Variants in RUNX1 observed in about 807,000 individuals in gnomAD.
The protein encoded by RUNX1 is RUNX family transcription factor 1, also known as runt-related transcription factor 1.
Under a neutral mutation model 42.8 loss-of-function variants are expected in RUNX1, and 19 were observed. The observed-to-expected ratio is 0.44, with a 90% CI of 0.31 to 0.65. The LOEUF is 0.65. Ranked by LOEUF, RUNX1 falls within the 30% of genes least tolerant of loss-of-function variation. The pLI is 0.07. For synonymous variants in RUNX1, 271 were observed against 289.4 expected (o/e 0.94, Z 0.64); for missense variants, 528 against 672.0 (o/e 0.79, Z 2.37).
At chr21:34,928,436 GTAATACAAGCACTTT>G (rs1312140188) in intron 2 of RUNX1, among the ~76,000 whole-genome samples, 1 of 152,160 alleles carries the variant, frequency 6.6e-6, no homozygotes, top group Non-Finnish European at 1.5e-5. Context: ...GCTCACACCT[GTAATACAAGCACTTT>G]GGGAGGCCGA....
rs1331864311 is a variant in RUNX1 at position 34,788,961 on chromosome 21, A to G, written c.*3174T>C. Reference sequence around the variant, plus strand: ...AATCTGCAATCCTAAATTGCAGGACATTTGAGTGGAACCATTCATTTCCTT... The same window carrying G: ...AATCTGCAATCCTAAATTGCAGGACGTTTGAGTGGAACCATTCATTTCCTT... On this transcript the variant is annotated 3_prime_UTR_variant, in exon 9 of 9. Coordinates refer to ENST00000675419, the MANE Select transcript of RUNX1 (RefSeq NM_001754.5). 1 of 233,222 alleles carries G rather than the reference A, an allele frequency of 4.3e-6. No individual in the cohort carries two copies. The highest frequency in any genetic ancestry group is 8.5e-6 in the Non-Finnish European group (1 of 118,068). 14.4% of individuals were successfully genotyped at this position (233,222 alleles called of 1,614,324 possible).
At chr21:35,004,305 C>T (rs1005342764) in intron 2 of RUNX1, among the ~76,000 whole-genome samples, 1 of 152,168 alleles carries the variant, frequency 6.6e-6, no homozygotes, top group Admixed American at 6.5e-5. Context: ...TTTCTTGTAT[C>T]AAATAATTCT....
intron 2 of RUNX1, among the ~76,000 whole-genome samples, chr21:34,980,852 G>T (rs1349016038): frequency 6.6e-6 from 1 of 152,232 alleles, no homozygotes; most frequent in East Asian, 1.9e-4. Flanking sequence ...ATAAGACACA[G>T]AACCTGGAAT....
At chr21:34,805,182 C>A (rs1028683687) in intron 7 of RUNX1, among the ~76,000 whole-genome samples, 1 of 151,838 alleles carries the variant, frequency 6.6e-6, no homozygotes, top group African/African-American at 2.4e-5. Flanking sequence ...CAGAAACTTA[C>A]CAAACAAAAA....
rs2059172558 is a variant in RUNX1 at position 35,018,089 on chromosome 21, A to G, written c.58+30753T>C. Among the ~76,000 whole-genome samples the G allele has an allele frequency of 2.0e-5, 3 of 152,054 alleles. No individual in the cohort carries two copies. In the South Asian group the frequency reaches 6.2e-4, roughly 32 times the overall value. ...TACCCAGGCTGGAGTGCACTGGTGC[A>G]ATCTTGGCTCACGTCAACCTCCACC... On this transcript the variant is annotated intron_variant, in intron 2 of 8. Transcript: ENST00000675419.
intron 5 of RUNX1, among the ~76,000 whole-genome samples, chr21:34,879,887 G>A (rs2057869347): frequency 6.6e-6 from 1 of 152,178 alleles, no homozygotes; most frequent in African/African-American, 2.4e-5. Flanking sequence ...CACACATGGA[G>A]CTGAAGTAAT....
chr21:34,959,844 A>T (rs546722668), intron 2 of RUNX1, among the ~76,000 whole-genome samples: 1 of 152,306 alleles, frequency 6.6e-6, no homozygotes, highest in Admixed American at 6.5e-5. Context: ...GGAACCCATC[A>T]GTACTGAGGA....
chr21:34,918,725 T>TG (rs763892915), intron 2 of RUNX1, among the ~76,000 whole-genome samples: 2 of 152,168 alleles, frequency 1.3e-5, no homozygotes, highest in Non-Finnish European at 2.9e-5. Context: ...CTGGCCAACA[T>TG]GGGGAAACCC....
At chr21:35,008,877 G>T (rs1308715329) in intron 2 of RUNX1, among the ~76,000 whole-genome samples, 1 of 152,176 alleles carries the variant, frequency 6.6e-6, no homozygotes, top group Non-Finnish European at 1.5e-5. Context: ...GTAGGACCTT[G>T]CATGAAAAGA....
chr21:34,978,227 C>T lies in RUNX1; in HGVS notation c.58+70615G>A, dbSNP rs558139480. Among the ~76,000 whole-genome samples, 9 of 152,282 alleles carry T rather than the reference C, an allele frequency of 5.9e-5. No homozygotes were observed. The South Asian group carries it at 1.7e-3, about 28-fold the overall frequency. On this transcript the variant is annotated intron_variant, in intron 2 of 8. Coordinates refer to ENST00000675419, the MANE Select transcript of RUNX1 (RefSeq NM_001754.5). ...TGCTGGGATTACAGGCATGAGCCAC[C>T]GCGCCCCGCCCATAAACAGTATTTT...
At chr21:34,995,078 G>A (rs1047272618) in intron 2 of RUNX1, among the ~76,000 whole-genome samples, 6 of 152,192 alleles carry the variant, frequency 3.9e-5, no homozygotes, top group Non-Finnish European at 8.8e-5. Flanking sequence ...ACTGGTAGCC[G>A]AAGTCAGCAA....
chr21:34,915,507 G>C (rs2058305768), intron 2 of RUNX1, among the ~76,000 whole-genome samples: 1 of 152,206 alleles, frequency 6.6e-6, no homozygotes, highest in South Asian at 2.1e-4. Flanking sequence ...TCATGTTCAT[G>C]GAATCTGCTT....
intron 2 of RUNX1, among the ~76,000 whole-genome samples, chr21:35,040,169 G>C (rs1335753880): frequency 6.6e-6 from 1 of 152,184 alleles, no homozygotes; most frequent in African/African-American, 2.4e-5. Context: ...CGAGCTGGAT[G>C]AAGCTGCCCA....
At chr21:34,793,289 T>C (rs1008466571) in intron 8 of RUNX1, among the ~76,000 whole-genome samples, 2 of 152,092 alleles carry the variant, frequency 1.3e-5, no homozygotes, top group Admixed American at 1.3e-4. Context: ...TACGGTAATA[T>C]AGAATATCAT....
intron 7 of RUNX1, chr21:34,834,137 C>G (rs2057104512): frequency 1.5e-6 from 1 of 675,064 alleles, no homozygotes; most frequent in East Asian, 2.8e-5. Context: ...ATATGGATAT[C>G]CATACCCAGA....
At chr21:35,021,577 T>C (rs1314375907) in intron 2 of RUNX1, among the ~76,000 whole-genome samples, 1 of 152,096 alleles carries the variant, frequency 6.6e-6, no homozygotes, top group African/African-American at 2.4e-5. Flanking sequence ...AACTGAGAAA[T>C]AAACCCCTGA....
At chr21:34,816,346 C>T (rs2056826333) in intron 7 of RUNX1, among the ~76,000 whole-genome samples, 1 of 151,894 alleles carries the variant, frequency 6.6e-6, no homozygotes, top group Non-Finnish European at 1.5e-5. Context: ...ACTTGTTGAT[C>T]TCAGAACCCT....
At chr21:34,880,439 A>T in intron 5 of RUNX1, 118 bp downstream of exon 5, 1 of 907,564 alleles carries the variant, frequency 1.1e-6, no homozygotes, top group Non-Finnish European at 1.8e-6. Flanking sequence ...ACATAGCAAT[A>T]AGAATGTTAA....
chr21:34,954,857 T>G (rs1468572189), intron 2 of RUNX1, among the ~76,000 whole-genome samples: 1 of 152,158 alleles, frequency 6.6e-6, no homozygotes, highest in Non-Finnish European at 1.5e-5. Context: ...TATGAAGACA[T>G]TGAAACATGG....
Sources: gnomAD v4.1 joint callset for allele counts (sites outside exome capture counted in the v4.1 genomes callset) on GRCh38, gnomAD v4.1.1 for gene constraint, MANE v1.5 for transcripts, NCBI Gene and HGNC (gene_info 2026-07-23, HGNC 2026-07-21) for gene names.